SH3PXD2A: variants seen among roughly 807,000 people sequenced by gnomAD.
SH3PXD2A encodes the protein SH3 and PX domain-containing protein 2A.
A neutral mutation model predicts 115.2 loss-of-function variants in SH3PXD2A; 32 were observed. The observed-to-expected ratio is 0.28, with a 90% CI of 0.21 to 0.37. The LOEUF is 0.37. Among genes scored for constraint, SH3PXD2A ranks in the 10% least tolerant of loss-of-function variants. SH3PXD2A has a pLI of 1.00. For synonymous variants in SH3PXD2A, 610 were observed against 629.1 expected (o/e 0.97, Z 0.45); for missense variants, 1,328 against 1,498.7 (o/e 0.89, Z 1.88).
intron 8 of SH3PXD2A, among the ~76,000 whole-genome samples, chr10:103,630,899 C>T (rs1345970085): frequency 2.0e-5 from 3 of 152,210 alleles, no homozygotes; most frequent in Non-Finnish European, 2.9e-5. Flanking sequence ...ACTTCCTGCA[C>T]CGTTTACCTT....
intron 2 of SH3PXD2A, among the ~76,000 whole-genome samples, chr10:103,769,451 T>TC (rs1554921443): frequency 0.027 from 2,972 of 111,912 alleles, 84 homozygotes; most frequent in African/African-American, 0.11. Flanking sequence ...TTCTTCTTCT[T>TC]TTTTTTTTTT....
intron 1 of SH3PXD2A, among the ~76,000 whole-genome samples, chr10:103,848,029 C>T (rs958485474): frequency 6.6e-6 from 1 of 151,332 alleles, no homozygotes; most frequent in Non-Finnish European, 1.5e-5. Context: ...CACAGACATG[C>T]TGGGCTCCCC....
In SH3PXD2A at chr10:103,597,210, T is replaced by C. The variant is rs2036149317; in HGVS notation, c.*4606A>G. On this transcript the variant is annotated 3_prime_UTR_variant, in exon 15 of 15. Transcript: ENST00000369774. Reference sequence around the variant, plus strand: ...GCCCAGGCTCAGCCCCAGGCCCTGCTGCAGGCTTGTGGGAATTGGTGTCTC... The same window carrying C: ...GCCCAGGCTCAGCCCCAGGCCCTGCCGCAGGCTTGTGGGAATTGGTGTCTC... 6.5e-6 allele frequency: 1 copy of C among 152,714 alleles called. No homozygotes were observed. Among genetic ancestry groups the C allele is most frequent in the South Asian group, 2.1e-4 (1 of 4,832 alleles). The allele number at this position is 152,714 out of a possible 1,614,324, so 9.5% of individuals were successfully genotyped here.
chr10:103,804,761 G>A (rs753306026), intron 1 of SH3PXD2A, among the ~76,000 whole-genome samples: 4 of 152,112 alleles, frequency 2.6e-5, no homozygotes, highest in Non-Finnish European at 4.4e-5. Flanking sequence ...CACAGAACTG[G>A]GGGCCCAGAC....
chr10:103,779,791 G>T (rs2038915284), intron 2 of SH3PXD2A, among the ~76,000 whole-genome samples: 1 of 152,096 alleles, frequency 6.6e-6, no homozygotes, highest in African/African-American at 2.4e-5. Flanking sequence ...TCCTGGCTGT[G>T]GTCACTCTGT....
At chr10:103,744,562 T>C (rs1044560714) in intron 3 of SH3PXD2A, among the ~76,000 whole-genome samples, 1 of 152,224 alleles carries the variant, frequency 6.6e-6, no homozygotes, top group Non-Finnish European at 1.5e-5. Flanking sequence ...CTCCAGCTTC[T>C]GGTGCAGCTG....
At chr10:103,722,983 C>A (rs1486513447) in intron 5 of SH3PXD2A, among the ~76,000 whole-genome samples, 1 of 152,176 alleles carries the variant, frequency 6.6e-6, no homozygotes, top group Non-Finnish European at 1.5e-5. Flanking sequence ...TTTTAGCATG[C>A]GTGAAGACAG....
At position 103,693,015 on chromosome 10, in the gene SH3PXD2A, GAGGC is replaced by G. The variant is rs1564865419; in HGVS notation, c.427+9_427+12del. The G allele has an allele frequency of 6.2e-7, 1 of 1,611,846 alleles. No individual in the cohort carries two copies. Among genetic ancestry groups the G allele is most frequent in the Admixed American group, 1.7e-5 (1 of 59,958 alleles). ...AGGAAGGCTGAAGGGAAAACGCCCG[GAGGC>G]TCCCTTACCTGATTTCCTCTTGGAA... On this transcript the variant is annotated intron_variant, in intron 6 of 14. Transcript: ENST00000369774.
At chr10:103,704,037 C>T (rs1167995133) in intron 5 of SH3PXD2A, among the ~76,000 whole-genome samples, 2 of 152,202 alleles carry the variant, frequency 1.3e-5, no homozygotes, top group African/African-American at 2.4e-5. Context: ...GTCCCCCGTG[C>T]ACAGTCAGGC....
chr10:103,752,815 G>A (rs2038593796), intron 3 of SH3PXD2A, among the ~76,000 whole-genome samples: 1 of 152,282 alleles, frequency 6.6e-6, no homozygotes. Context: ...TACTTCATAG[G>A]TTTGGGTTTC....
chr10:103,820,414 A>G (rs1262407181), intron 1 of SH3PXD2A, among the ~76,000 whole-genome samples: 1 of 152,162 alleles, frequency 6.6e-6, no homozygotes, highest in African/African-American at 2.4e-5. Context: ...CGGCCAGGGC[A>G]GCCTGCCAGG....
chr10:103,616,869 G>A (rs1367799148), intron 11 of SH3PXD2A, among the ~76,000 whole-genome samples: 1 of 152,276 alleles, frequency 6.6e-6, no homozygotes, highest in East Asian at 1.9e-4. Flanking sequence ...GCCAAGGCCG[G>A]ACACACAAAA....
At chr10:103,688,813 G>C in intron 6 of SH3PXD2A, among the ~76,000 whole-genome samples, 1 of 152,074 alleles carries the variant, frequency 6.6e-6, no homozygotes, top group East Asian at 1.9e-4. Context: ...ATTTAAGCAG[G>C]AAAGTATGTT....
At chr10:103,747,031 G>C (rs572635571) in intron 3 of SH3PXD2A, 1 of 152,256 alleles carries the variant, frequency 6.6e-6, no homozygotes, top group East Asian at 1.9e-4. Flanking sequence ...TGAAGCCCAC[G>C]AACGTATCCT....
At chr10:103,799,434 C>A (rs2039126300) in intron 2 of SH3PXD2A, among the ~76,000 whole-genome samples, 1 of 152,270 alleles carries the variant, frequency 6.6e-6, no homozygotes, top group African/African-American at 2.4e-5. Flanking sequence ...CAGCAATGAC[C>A]CACGTGGACA....
In SH3PXD2A at chr10:103,665,180, G is replaced by C. The variant is rs1458453122; in HGVS notation, c.472+3428C>G. Among the ~76,000 whole-genome samples the C allele has an allele frequency of 6.6e-6, 1 of 152,198 alleles. No homozygotes were observed. Among genetic ancestry groups the C allele is most frequent in the African/African-American group, 2.4e-5 (1 of 41,442 alleles). On this transcript the variant is annotated intron_variant, in intron 7 of 14. Transcript: ENST00000369774. The surrounding 1 kb of genome is among the most constrained non-coding windows in gnomAD (Gnocchi z 4.0). ...TATGGGAAAATGAGCCAAACTCGAA[G>C]GGAGAAAGGGGAGATGGGGAAACTG...
intron 8 of SH3PXD2A, among the ~76,000 whole-genome samples, chr10:103,634,099 G>A (rs768266999): frequency 8.5e-5 from 13 of 152,314 alleles, no homozygotes; most frequent in South Asian, 4.1e-4. Context: ...GGCCTGCTCC[G>A]CCCCCGGGAG....
chr10:103,647,862 A>G (rs936431656), intron 8 of SH3PXD2A, among the ~76,000 whole-genome samples: 3 of 151,924 alleles, frequency 2.0e-5, no homozygotes, highest in Admixed American at 2.0e-4. Context: ...CCAAGCACGA[A>G]AGAGTCAATC....
Position 103,605,929 on chromosome 10 carries a change from G to A in SH3PXD2A, c.1309-12C>T. ...GGCAGTTGGAACCCCTAAGGTTAAG[G>A]AACACACAGTGGGCAAAACCCGCCT... is the stretch of plus-strand genomic sequence containing the variant. On this transcript the variant is annotated splice_polypyrimidine_tract_variant and intron_variant, in intron 13 of 14. Transcript: ENST00000369774. The A allele has an allele frequency of 6.2e-7, 1 of 1,613,476 alleles. No individual in the cohort carries two copies. The highest frequency in any genetic ancestry group is 2.2e-5 in the East Asian group (1 of 44,870).
Sources: gnomAD v4.1 joint callset for allele counts (sites outside exome capture counted in the v4.1 genomes callset) on GRCh38, gnomAD v4.1.1 for gene constraint, Gnocchi (gnomAD v3.1) non-coding constraint, MANE v1.5 for transcripts, NCBI Gene and HGNC (gene_info 2026-07-23, HGNC 2026-07-21) for gene names.